Variants in NPSR1 observed in about 807,000 individuals in gnomAD.
The protein encoded by NPSR1 is neuropeptide S receptor 1, also known as neuropeptide S receptor.
Under a neutral mutation model 46.9 loss-of-function variants are expected in NPSR1, and 48 were observed. That is an observed-to-expected ratio of 1.02 (90% confidence interval 0.81 to 1.30). NPSR1 has a LOEUF of 1.30. Among genes scored for constraint, NPSR1 ranks in the 50% most tolerant of loss-of-function variants. The probability of loss-of-function intolerance (pLI) is 0.00; values close to 1 mark genes in which losing one functional copy is unlikely to be tolerated. For missense variants in NPSR1, 450 were observed against 449.5 expected, an observed-to-expected ratio of 1.00 and a Z score of -0.01; for synonymous variants, 176 against 168.1, an observed-to-expected ratio of 1.05 and a Z score of -0.36.
At chr7:34,790,715 T>A (rs1403238066) in intron 3 of NPSR1, among the ~76,000 whole-genome samples, 1 of 121,642 alleles carries the variant, frequency 8.2e-6, no homozygotes, top group African/African-American at 3.1e-5. Flanking sequence ...ATGTTATATA[T>A]AATATATGTT....
chr7:34,741,415 T>C (rs1583919427), intron 2 of NPSR1, among the ~76,000 whole-genome samples: 1 of 152,178 alleles, frequency 6.6e-6, no homozygotes, highest in African/African-American at 2.4e-5. Flanking sequence ...AAAATTGTTA[T>C]TCCCCCATAT....
intron 8 of NPSR1, chr7:34,849,349 C>T (rs1169231214): frequency 6.4e-7 from 1 of 1,551,322 alleles, no homozygotes; most frequent in Non-Finnish European, 8.7e-7. Context: ...TACCTGTTGG[C>T]CTGTGATGTC....
chr7:34,823,879 G>A (rs948978948), intron 4 of NPSR1, among the ~76,000 whole-genome samples: 1 of 152,084 alleles, frequency 6.6e-6, no homozygotes, highest in Non-Finnish European at 1.5e-5. Context: ...CTGCTCCAGG[G>A]CAGATCTGGG....
Position 34,661,162 on chromosome 7 carries a change from G to T in NPSR1, c.147+2603G>T, listed in dbSNP as rs35942430. Among the ~76,000 whole-genome samples, 1,445 of 152,236 alleles carry T rather than the reference G, an allele frequency of 9.5e-3. 23 individuals are homozygous for T. Among genetic ancestry groups the T allele is most frequent in the African/African-American group, 0.033 (1,387 of 41,526 alleles). ...AAAGCATGTATTCCCTGTGACAGAG[G>T]TGGGTGGGGGCTCTCATTAACCAAG... On this transcript the variant is annotated intron_variant, in intron 1 of 8. Coordinates refer to ENST00000360581, the MANE Select transcript of NPSR1 (RefSeq NM_207172.2).
Position 34,827,507 on chromosome 7 carries a change from G to A in NPSR1, c.585G>A (p.Val195=). 1.2e-6 allele frequency: 2 copies of A among 1,614,066 alleles called. No homozygotes were observed. The highest frequency in any genetic ancestry group is 1.7e-6 in the Non-Finnish European group (2 of 1,179,954). The part of the protein sequence containing the change: ...FGKRTLSNGE[V]QCWALWPDDS... ...AGAGGACACTGTCCAACGGTGAAGT[G>A]CAGTGCTGGGCCCTGTGGCCTGACG... Residue 195 remains valine (V), a synonymous_variant, in exon 5 of 9, where the codon GTG becomes GTA. Coordinates refer to ENST00000360581, the MANE Select transcript of NPSR1 (RefSeq NM_207172.2).
At chr7:34,795,729 T>A (rs1353043912) in intron 3 of NPSR1, among the ~76,000 whole-genome samples, 1 of 152,220 alleles carries the variant, frequency 6.6e-6, no homozygotes, top group Non-Finnish European at 1.5e-5. Context: ...CAAGGAAAAC[T>A]ACGAAACTTG....
intron 8 of NPSR1, among the ~76,000 whole-genome samples, chr7:34,858,925 C>A (rs1450878812): frequency 6.6e-6 from 1 of 151,582 alleles, no homozygotes; most frequent in Non-Finnish European, 1.5e-5. Flanking sequence ...CAGGAAATCA[C>A]TTTTTATAAG....
intron 4 of NPSR1, among the ~76,000 whole-genome samples, chr7:34,819,618 A>G (rs1388132125): frequency 6.6e-6 from 1 of 152,238 alleles, no homozygotes; most frequent in Non-Finnish European, 1.5e-5. Context: ...ATGCACACGT[A>G]TGTTTATTGC....
chr7:34,722,243 C>T (rs1435320392), intron 2 of NPSR1, among the ~76,000 whole-genome samples: 1 of 151,906 alleles, frequency 6.6e-6, no homozygotes, highest in Non-Finnish European at 1.5e-5. Flanking sequence ...CTTATATGGA[C>T]AAAACATACC....
At chr7:34,758,470 A>C (rs1785990838) in intron 2 of NPSR1, among the ~76,000 whole-genome samples, 1 of 152,216 alleles carries the variant, frequency 6.6e-6, no homozygotes, top group African/African-American at 2.4e-5. Flanking sequence ...CCCTTGCTCA[A>C]CATGTTGCCC....
At chr7:34,876,413 A>G (rs1349972789) in intron 8 of NPSR1, among the ~76,000 whole-genome samples, 1 of 152,226 alleles carries the variant, frequency 6.6e-6, no homozygotes, top group Non-Finnish European at 1.5e-5. Context: ...GAAGCATAGG[A>G]AAGTACTTAG....
At chr7:34,787,978 T>C (rs1223316554) in intron 3 of NPSR1, among the ~76,000 whole-genome samples, 1 of 151,990 alleles carries the variant, frequency 6.6e-6, no homozygotes. Flanking sequence ...AATGACAGAC[T>C]TGCTCAACAC....
chr7:34,839,941 T>C (rs1372693859), intron 6 of NPSR1, among the ~76,000 whole-genome samples: 1 of 152,128 alleles, frequency 6.6e-6, no homozygotes, highest in Non-Finnish European at 1.5e-5. Flanking sequence ...CTGGGAATTG[T>C]AGTCTAGTTG....
intron 2 of NPSR1, among the ~76,000 whole-genome samples, chr7:34,728,391 G>T (rs914565038): frequency 6.6e-6 from 1 of 152,220 alleles, no homozygotes; most frequent in African/African-American, 2.4e-5. Context: ...GGTACATGAT[G>T]TGGGGTGCAC....
At position 34,751,185 on chromosome 7, in the gene NPSR1, G is replaced by A. The variant is rs191133422; in HGVS notation, c.281-27277G>A. ...GAGCATATAGATGAGGAGTCCAGGG[G>A]TCCACCAGATTGGGAAAGTGGATGG... On this transcript the variant is annotated intron_variant, in intron 2 of 8. Coordinates refer to ENST00000360581, the MANE Select transcript of NPSR1 (RefSeq NM_207172.2). 4,565 of 1,106,290 alleles carry A rather than the reference G, an allele frequency of 4.1e-3. 15 individuals are homozygous for A. Among genetic ancestry groups the A allele is most frequent in the Non-Finnish European group, 5.4e-3 (3,869 of 717,404 alleles). The allele number at this position is 1,106,290 out of a possible 1,614,324, so 68.5% of individuals were successfully genotyped here.
intron 2 of NPSR1, among the ~76,000 whole-genome samples, chr7:34,693,733 A>T (rs1793378141): frequency 6.6e-6 from 1 of 152,220 alleles, no homozygotes; most frequent in Admixed American, 6.5e-5. Context: ...TGATGGACAT[A>T]GTTGCAAAAT....
intron 3 of NPSR1, among the ~76,000 whole-genome samples, chr7:34,809,796 C>G (rs1347826926): frequency 6.6e-6 from 1 of 152,166 alleles, no homozygotes; most frequent in East Asian, 1.9e-4. Flanking sequence ...CCTACACCCT[C>G]CTATAGGCCC....
chr7:34,814,837 A>G (rs1442268977), intron 4 of NPSR1, among the ~76,000 whole-genome samples: 1 of 152,234 alleles, frequency 6.6e-6, no homozygotes, highest in Non-Finnish European at 1.5e-5. Context: ...GACTGTTACA[A>G]CGGAAACTAA....
intron 2 of NPSR1, among the ~76,000 whole-genome samples, chr7:34,722,327 T>TA (rs577580136): frequency 3.9e-5 from 6 of 152,312 alleles, no homozygotes; most frequent in Middle Eastern, 3.4e-3. Flanking sequence ...GTGGTATATG[T>TA]AAAAAAACCA....
Sources: allele counts gnomAD v4.1 joint callset (sites outside exome capture counted in the v4.1 genomes callset), GRCh38; gene constraint gnomAD v4.1.1; transcripts MANE v1.5; gene names NCBI Gene and HGNC (gene_info 2026-07-23, HGNC 2026-07-21).